IFNGR1: variants seen among roughly 807,000 people sequenced by gnomAD.
The protein encoded by IFNGR1 is AVP, type 2.
In IFNGR1, 23 loss-of-function variants were observed where a neutral mutation model predicts 35.4. The observed-to-expected ratio is 0.65, with a 90% CI of 0.47 to 0.92. The LOEUF (loss-of-function observed/expected upper bound fraction) is 0.92, where lower values mean the gene tolerates loss of function less well. Ranked by LOEUF, IFNGR1 falls within the 40% of genes least tolerant of loss-of-function variation. The pLI is 0.00. For missense variants in IFNGR1, 533 were observed against 583.4 expected, an observed-to-expected ratio of 0.91 and a Z score of 0.89; for synonymous variants, 199 against 209.5, an observed-to-expected ratio of 0.95 and a Z score of 0.43.
At chr6:137,206,491 T>G (rs1368269319) in intron 2 of IFNGR1, among the ~76,000 whole-genome samples, 183 bp from the exon 3 acceptor site, 1 of 152,070 alleles carries the variant, frequency 6.6e-6, no homozygotes, top group Non-Finnish European at 1.5e-5. Flanking sequence ...AACTACAAAC[T>G]CTGTTACAGT....
intron 1 of IFNGR1, among the ~76,000 whole-genome samples, chr6:137,209,678 C>T (rs141286076): frequency 9.5e-4 from 144 of 152,256 alleles, no homozygotes; most frequent in Middle Eastern, 3.4e-3. Flanking sequence ...TTCTTCCCAG[C>T]CTTGGGTATG....
At chr6:137,199,557 A>ATATAT (rs1582630035) in intron 6 of IFNGR1, among the ~76,000 whole-genome samples, 4 of 29,144 alleles carry the variant, frequency 1.4e-4, no homozygotes, top group African/African-American at 3.3e-4. Context: ...ATAACATATA[A>ATATAT]AATATATATA....
At chr6:137,219,179 T>A in intron 1 of IFNGR1, 64 bp downstream of exon 1, 1 of 1,546,614 alleles carries the variant, frequency 6.5e-7, no homozygotes, top group Non-Finnish European at 8.7e-7. Context: ...GCTTCCCGGC[T>A]GGGGCGGATC....
chr6:137,197,586 A>G lies in IFNGR1; in HGVS notation c.*445T>C, dbSNP rs1186700178. ...TCCATTAATTCTATTAGTTTGAATTAGATTTTAAGTCCAATTTTGAAAAGC... is the reference window on the plus strand; with the variant it reads ...TCCATTAATTCTATTAGTTTGAATTGGATTTTAAGTCCAATTTTGAAAAGC... On this transcript the variant is annotated 3_prime_UTR_variant, in exon 7 of 7. Coordinates refer to ENST00000367739, the MANE Select transcript of IFNGR1 (RefSeq NM_000416.3). The G allele has an allele frequency of 2.6e-5, 4 of 155,530 alleles. No homozygotes were observed. Among genetic ancestry groups the G allele is most frequent in the African/African-American group, 9.6e-5 (4 of 41,464 alleles). The allele number at this position is 155,530 out of a possible 1,614,324, so 9.6% of individuals were successfully genotyped here. A position where few individuals can be genotyped will look rare whatever the true frequency, so the allele number is the denominator to read the frequency against.
intron 6 of IFNGR1, among the ~76,000 whole-genome samples, 183 bp from the exon 7 acceptor site, chr6:137,198,822 A>G (rs1779166582): frequency 6.6e-6 from 1 of 152,152 alleles, no homozygotes; most frequent in African/African-American, 2.4e-5. Context: ...AAGTTTTAGA[A>G]TTTTTAAAAA....
intron 1 of IFNGR1, chr6:137,209,975 G>A: frequency 2.5e-6 from 1 of 398,362 alleles, no homozygotes; most frequent in South Asian, 1.3e-4. Flanking sequence ...GAAAACATCT[G>A]TTGATAAGAC....
intron 1 of IFNGR1, among the ~76,000 whole-genome samples, chr6:137,208,333 T>C (rs983149404): frequency 2.6e-5 from 4 of 152,116 alleles, no homozygotes; most frequent in Non-Finnish European, 5.9e-5. Flanking sequence ...GCTGCAGAAA[T>C]GTGCATAAGT....
At chr6:137,214,332 G>T (rs1779641274) in intron 1 of IFNGR1, among the ~76,000 whole-genome samples, 1 of 152,142 alleles carries the variant, frequency 6.6e-6, no homozygotes, top group African/African-American at 2.4e-5. Flanking sequence ...CTCCCGAATG[G>T]CTTCCAGTGG....
chr6:137,214,571 C>A (rs1779647687), intron 1 of IFNGR1, among the ~76,000 whole-genome samples: 1 of 152,170 alleles, frequency 6.6e-6, no homozygotes, highest in South Asian at 2.1e-4. Flanking sequence ...TTTTCCCTCG[C>A]ACCACCACCA....
chr6:137,219,193 C>A, intron 1 of IFNGR1, 50 bp downstream of exon 1: 1 of 1,563,818 alleles, frequency 6.4e-7, no homozygotes, highest in Non-Finnish European at 8.7e-7. Context: ...GCGGATCCCT[C>A]CCTCCCTCTC....
At chr6:137,216,890 G>GAA (rs767853670) in intron 1 of IFNGR1, among the ~76,000 whole-genome samples, 3 of 152,154 alleles carry the variant, frequency 2.0e-5, no homozygotes, top group Non-Finnish European at 2.9e-5. Flanking sequence ...GAGGTACAGA[G>GAA]ACAAATTCAA....
chr6:137,198,310 A>G lies in IFNGR1; in HGVS notation c.1191T>C (p.Tyr397=). The change falls in exon 7 of 7, where the codon TAT becomes TAC. Residue 397 remains tyrosine (Y), a synonymous_variant. Transcript: ENST00000367739. The part of the protein sequence containing the change: ...SEPGSIALNS[Y]HSRNCSESDH... ...CACTCTCAGAACAATTTCTGGAGTGATACGAGTTTAAAGCGATGCTGCCAG... is the reference window on the plus strand; with the variant it reads ...CACTCTCAGAACAATTTCTGGAGTGGTACGAGTTTAAAGCGATGCTGCCAG... 1.2e-6 allele frequency: 2 copies of G among 1,614,166 alleles called. No individual in the cohort carries two copies. Among genetic ancestry groups the G allele is most frequent in the Non-Finnish European group, 1.7e-6 (2 of 1,180,020 alleles).
In IFNGR1 at chr6:137,203,665, C is replaced by T. The variant is rs370030428; in HGVS notation, c.567G>A (p.Thr189=). Residue 189 remains threonine, a synonymous_variant, in exon 5 of 7, where the codon ACG becomes ACA. Coordinates refer to ENST00000367739, the MANE Select transcript of IFNGR1 (RefSeq NM_000416.3). ...TCTCGTCACAATCATCTTCCTTCTGCGTGAGTATTTTATACTGGATCTAGA... is the reference window on the plus strand; with the variant it reads ...TCTCGTCACAATCATCTTCCTTCTGTGTGAGTATTTTATACTGGATCTAGA... ...NGSEIQYKIL[T]QKEDDCDEIQ... The T allele has an allele frequency of 2.1e-5, 34 of 1,612,160 alleles. No homozygotes were observed. Among genetic ancestry groups the T allele is most frequent in the Non-Finnish European group, 2.5e-5 (30 of 1,179,260 alleles).
chr6:137,205,073 T>A (rs1779398529), intron 3 of IFNGR1, among the ~76,000 whole-genome samples: 1 of 152,190 alleles, frequency 6.6e-6, no homozygotes, highest in African/African-American at 2.4e-5. Flanking sequence ...CATCAGTGTA[T>A]CCTCAGGGCC....
chr6:137,206,710 AC>A, intron 2 of IFNGR1: 1 of 502,570 alleles, frequency 2.0e-6, no homozygotes, highest in Middle Eastern at 4.6e-4. Context: ...TGACATAGTA[AC>A]TATTAGCTTT....
intron 1 of IFNGR1, chr6:137,215,179 TGAC>T: frequency 6.7e-7 from 1 of 1,496,900 alleles, no homozygotes; most frequent in Admixed American, 2.3e-5. Flanking sequence ...TTACGTAACT[TGAC>T]AATATGCAAA....
At chr6:137,211,973 G>A (rs1238987441) in intron 1 of IFNGR1, among the ~76,000 whole-genome samples, 1 of 151,890 alleles carries the variant, frequency 6.6e-6, no homozygotes, top group Non-Finnish European at 1.5e-5. Context: ...TTTGCCTCTC[G>A]AGAGGCTGAG....
Position 137,203,641 on chromosome 6 carries a change from C to T in IFNGR1, c.591G>A (p.Glu197=), listed in dbSNP as rs1779348800. 3 of 1,612,926 alleles carry T rather than the reference C, an allele frequency of 1.9e-6. No homozygotes were observed. Among genetic ancestry groups the T allele is most frequent in the Non-Finnish European group, 2.5e-6 (3 of 1,179,258 alleles). ...ILTQKEDDCD[E]IQCQLAIPVS... ...CTGGAATCGCTAACTGGCACTGAATCTCGTCACAATCATCTTCCTTCTGCG... is the reference window on the plus strand; with the variant it reads ...CTGGAATCGCTAACTGGCACTGAATTTCGTCACAATCATCTTCCTTCTGCG... Residue 197 remains glutamate, a synonymous_variant, in exon 5 of 7, where the codon GAG becomes GAA. Coordinates refer to ENST00000367739, the MANE Select transcript of IFNGR1 (RefSeq NM_000416.3).
intron 5 of IFNGR1, among the ~76,000 whole-genome samples, chr6:137,201,847 C>T (rs997711058): frequency 3.9e-5 from 6 of 152,172 alleles, no homozygotes; most frequent in African/African-American, 1.2e-4. Flanking sequence ...GGAATAAAGT[C>T]CCCTTAGTTA....
Sources: allele counts gnomAD v4.1 joint callset (sites outside exome capture counted in the v4.1 genomes callset), GRCh38; gene constraint gnomAD v4.1.1; transcripts MANE v1.5; gene names NCBI Gene and HGNC (gene_info 2026-07-23, HGNC 2026-07-21).